The following PIK3AP1 variants were observed in gnomAD, a reference collection of about 807,000 sequenced individuals.
PIK3AP1 encodes phosphoinositide-3-kinase adaptor protein 1.
Under a neutral mutation model 88.1 loss-of-function variants are expected in PIK3AP1, and 21 were observed. The ratio of observed to expected loss-of-function variants is 0.24; its 90% CI spans 0.17 to 0.34. The LOEUF is 0.34. Ranked by LOEUF, PIK3AP1 falls within the 10% of genes least tolerant of loss-of-function variation. PIK3AP1 has a pLI of 1.00. For synonymous variants in PIK3AP1, 398 were observed against 400.0 expected (o/e 1.00, Z 0.06); for missense variants, 828 against 1,035.7 (o/e 0.80, Z 2.75).
intron 8 of PIK3AP1, among the ~76,000 whole-genome samples, chr10:96,629,130 A>C (rs1843202913): frequency 6.6e-6 from 1 of 151,906 alleles, no homozygotes; most frequent in Non-Finnish European, 1.5e-5. Flanking sequence ...AAAACAATGT[A>C]CTGAAGCTAT....
At chr10:96,652,192 G>A (rs768096313) in intron 4 of PIK3AP1, among the ~76,000 whole-genome samples, 2 of 152,000 alleles carry the variant, frequency 1.3e-5, no homozygotes, top group Non-Finnish European at 2.9e-5. Flanking sequence ...TCACAAAAGA[G>A]GAAATGCGAC....
intron 13 of PIK3AP1, among the ~76,000 whole-genome samples, chr10:96,614,259 A>T (rs1849176810): frequency 6.6e-6 from 1 of 152,112 alleles, no homozygotes; most frequent in Admixed American, 6.5e-5. Context: ...GTCTGTATTT[A>T]AAAACCTGAA....
rs554505827 is a variant in PIK3AP1 at position 96,662,562 on chromosome 10, C to T, written c.431-5628G>A. 4.0e-5 allele frequency among the ~76,000 whole-genome samples: 6 copies of T among 148,186 alleles called. No homozygotes were observed. The South Asian group carries it at 1.3e-3, about 32-fold the overall frequency. ...AGATTGCAGTGAGCCAAGATCGCGC[C>T]ACTGCACTCCAGCCTGGGCAACAAG... On this transcript the variant is annotated intron_variant, in intron 2 of 16. Transcript: ENST00000339364.
intron 2 of PIK3AP1, among the ~76,000 whole-genome samples, chr10:96,681,949 C>A: frequency 6.6e-6 from 1 of 151,792 alleles, no homozygotes; most frequent in East Asian, 1.9e-4. Context: ...TACTTTCTCA[C>A]TCTTATAGAC....
At chr10:96,607,865 G>C (rs1849028838) in intron 14 of PIK3AP1, among the ~76,000 whole-genome samples, 1 of 152,188 alleles carries the variant, frequency 6.6e-6, no homozygotes, top group South Asian at 2.1e-4. Context: ...TTAAGTTGTA[G>C]GATAAGGTAT....
intron 13 of PIK3AP1, 79 bp downstream of exon 13, chr10:96,616,560 G>T: frequency 6.7e-7 from 1 of 1,492,506 alleles, no homozygotes; most frequent in Non-Finnish European, 9.3e-7. Flanking sequence ...GCCCACTCAG[G>T]CCACAGCCAA....
chr10:96,637,314 TCACACACACACACA>T lies in PIK3AP1; in HGVS notation c.1375+8145_1375+8158del, dbSNP rs55885337. On this transcript the variant is annotated intron_variant, in intron 8 of 16. Transcript: ENST00000339364. ...AGGAAGATGTGGGAGAGATATACAA[TCACACACACACACA>T]CACACACACACACACACACACACAC... is the stretch of plus-strand genomic sequence containing the variant. Among the ~76,000 whole-genome samples the T allele has an allele frequency of 4.6e-3, 592 of 128,074 alleles. 5 individuals carry two copies. Among genetic ancestry groups the T allele is most frequent in the African/African-American group, 0.015 (548 of 35,804 alleles). 84.0% of individuals were successfully genotyped at this position (128,074 alleles called of 152,430 possible).
At position 96,626,724 on chromosome 10, in the gene PIK3AP1, T is replaced by C. The variant is rs756056030; in HGVS notation, c.1653A>G (p.Glu551=). 1.9e-6 allele frequency: 3 copies of C among 1,614,182 alleles called. No homozygotes were observed. The highest frequency in any genetic ancestry group is 1.7e-6 in the Non-Finnish European group (2 of 1,180,016). ...APGAHQLPDN[E]PYIFKVFAEK... is the part of the protein sequence containing the mutation. ...CATACTTGCCTTTAAAAATGTATGGTTCGTTGTCAGGCAGCTGGTGAGCAC... is the reference window on the plus strand; with the variant it reads ...CATACTTGCCTTTAAAAATGTATGGCTCGTTGTCAGGCAGCTGGTGAGCAC... The change falls in exon 10 of 17, where the codon GAA becomes GAG. Residue 551 remains glutamate, a synonymous_variant. Transcript: ENST00000339364.
chr10:96,650,762 G>A (rs570152642), intron 6 of PIK3AP1, among the ~76,000 whole-genome samples: 2 of 152,220 alleles, frequency 1.3e-5, no homozygotes, highest in Non-Finnish European at 2.9e-5. Context: ...ATCTTTCCAT[G>A]AGTCTAAGTG....
At chr10:96,712,996 G>A (rs879873101) in intron 1 of PIK3AP1, among the ~76,000 whole-genome samples, 5 of 152,186 alleles carry the variant, frequency 3.3e-5, no homozygotes, top group African/African-American at 1.2e-4. Context: ...TTTTCAATAG[G>A]GTTGGCAAGT....
chr10:96,670,792 T>G (rs1307038861), intron 2 of PIK3AP1, among the ~76,000 whole-genome samples: 1 of 152,202 alleles, frequency 6.6e-6, no homozygotes, highest in Non-Finnish European at 1.5e-5. Context: ...ATTCCAGACA[T>G]TCAGGCAGAA....
At chr10:96,612,383 C>T in intron 13 of PIK3AP1, among the ~76,000 whole-genome samples, 1 of 152,166 alleles carries the variant, frequency 6.6e-6, no homozygotes, top group East Asian at 1.9e-4. Context: ...ATTTTTAATT[C>T]TCTTTGGCAT....
chr10:96,698,254 G>A (rs548884880), intron 2 of PIK3AP1, among the ~76,000 whole-genome samples: 12 of 152,228 alleles, frequency 7.9e-5, no homozygotes, highest in Admixed American at 2.0e-4. Context: ...TATTTCTGGA[G>A]CTTGGGAACA....
At chr10:96,688,273 CATAA>C (rs548410919) in intron 2 of PIK3AP1, among the ~76,000 whole-genome samples, 96 of 152,124 alleles carry the variant, frequency 6.3e-4, no homozygotes, top group Non-Finnish European at 1.2e-3. Flanking sequence ...CTCTAAAGTT[CATAA>C]ATAGTGATAG....
At chr10:96,710,743 G>C (rs1844428441) in intron 1 of PIK3AP1, among the ~76,000 whole-genome samples, 1 of 152,136 alleles carries the variant, frequency 6.6e-6, no homozygotes, top group South Asian at 2.1e-4. Flanking sequence ...TAGAAGGTAG[G>C]TACTATTATT....
chr10:96,713,546 T>C (rs1844465767), intron 1 of PIK3AP1, among the ~76,000 whole-genome samples: 1 of 124,652 alleles, frequency 8.0e-6, no homozygotes, highest in South Asian at 2.8e-4. Flanking sequence ...TAGCCAGGCG[T>C]GGTGGTGTGC....
chr10:96,673,343 AT>A (rs1191284482), intron 2 of PIK3AP1, among the ~76,000 whole-genome samples: 1 of 152,214 alleles, frequency 6.6e-6, no homozygotes. Context: ...GGCGGGGTTT[AT>A]CAGGATCCTT....
intron 14 of PIK3AP1, among the ~76,000 whole-genome samples, chr10:96,606,447 G>A (rs529783047): frequency 4.6e-5 from 7 of 152,176 alleles, no homozygotes; most frequent in South Asian, 4.1e-4. Context: ...CCATGACTCC[G>A]GAAACTCATA....
At chr10:96,616,745 C>T in intron 12 of PIK3AP1, 34 bp from the exon 13 acceptor site, 2 of 1,583,232 alleles carry the variant, frequency 1.3e-6, no homozygotes, top group Non-Finnish European at 1.7e-6. Flanking sequence ...TTTAAGTGTA[C>T]AACAGGATGA....
Sources: gnomAD v4.1 joint callset for allele counts (sites outside exome capture counted in the v4.1 genomes callset) on GRCh38, gnomAD v4.1.1 for gene constraint, MANE v1.5 for transcripts, NCBI Gene and HGNC (gene_info 2026-07-23, HGNC 2026-07-21) for gene names.